Variants in DNER observed in about 807,000 individuals in gnomAD.
The protein encoded by DNER is delta and Notch-like epidermal growth factor-related receptor.
In DNER, 33 loss-of-function variants were observed where a neutral mutation model predicts 78.2. That is an observed-to-expected ratio of 0.42 (90% confidence interval 0.32 to 0.56). The LOEUF (loss-of-function observed/expected upper bound fraction) is 0.56, where lower values mean the gene tolerates loss of function less well. Ranked by LOEUF, DNER falls within the 20% of genes least tolerant of loss-of-function variation. The pLI, the probability that DNER is intolerant of heterozygous loss-of-function variation, is 0.11. For missense variants in DNER, 918 were observed against 975.3 expected (o/e 0.94, Z 0.78); for synonymous variants, 417 against 384.8 (o/e 1.08, Z -0.98).
At chr2:229,395,957 A>G (rs1693130268) in intron 10 of DNER, among the ~76,000 whole-genome samples, 1 of 152,180 alleles carries the variant, frequency 6.6e-6, no homozygotes, top group Admixed American at 6.6e-5. Context: ...TAAGTGAAAA[A>G]GAAGACACTT....
At chr2:229,569,568 A>G (rs1237687793) in intron 4 of DNER, among the ~76,000 whole-genome samples, 2 of 152,132 alleles carry the variant, frequency 1.3e-5, no homozygotes, top group African/African-American at 4.8e-5. Flanking sequence ...TATAAGATGG[A>G]GTAGTATTTG....
intron 12 of DNER, 59 bp downstream of exon 12, chr2:229,366,814 C>G: frequency 6.2e-7 from 1 of 1,604,456 alleles, no homozygotes; most frequent in Non-Finnish European, 8.5e-7. Flanking sequence ...ATAATATGAC[C>G]CTGTTCCCAA....
At chr2:229,650,539 T>C (rs1445784482) in intron 1 of DNER, among the ~76,000 whole-genome samples, 1 of 152,176 alleles carries the variant, frequency 6.6e-6, no homozygotes, top group South Asian at 2.1e-4. Context: ...GGACTTCCAA[T>C]ACCAAATTTT....
rs150463400 is a variant in DNER at position 229,622,079 on chromosome 2, C to T, written c.277-30191G>A. 4.9e-3 allele frequency among the ~76,000 whole-genome samples: 745 copies of T among 152,226 alleles called. 9 individuals carry two copies. The highest frequency in any genetic ancestry group is 0.014 in the African/African-American group (582 of 41,538). On this transcript the variant is annotated intron_variant, in intron 1 of 12. Coordinates refer to ENST00000341772, the MANE Select transcript of DNER (RefSeq NM_139072.4). Reference sequence around the variant, plus strand: ...CCAGCCTGGGCGACAGAGCGAGACTCCGTCTCAAAAAAACAAACAAACAAA... The same window carrying T: ...CCAGCCTGGGCGACAGAGCGAGACTTCGTCTCAAAAAAACAAACAAACAAA...
intron 1 of DNER, among the ~76,000 whole-genome samples, chr2:229,706,872 G>A (rs914096627): frequency 2.6e-5 from 4 of 152,060 alleles, no homozygotes; most frequent in South Asian, 2.1e-4. Context: ...CGCCACACCC[G>A]GCCCAGATAT....
chr2:229,479,712 CAAAAAAAAA>C (rs1023070502), intron 6 of DNER, among the ~76,000 whole-genome samples: 2 of 79,816 alleles, frequency 2.5e-5, no homozygotes, highest in Admixed American at 1.3e-4. Context: ...GACTTTGTCT[CAAAAAAAAA>C]AAAAAAAAAA....
chr2:229,636,550 T>A (rs188249206), intron 1 of DNER, among the ~76,000 whole-genome samples: 10 of 152,348 alleles, frequency 6.6e-5, no homozygotes, highest in Non-Finnish European at 1.3e-4. Flanking sequence ...AGGATGGGGC[T>A]TGTCCAAAAG....
At chr2:229,531,743 A>C (rs1462193727) in intron 5 of DNER, among the ~76,000 whole-genome samples, 2 of 152,262 alleles carry the variant, frequency 1.3e-5, no homozygotes, top group Non-Finnish European at 2.9e-5. Context: ...ACAATAGCCA[A>C]AGGTAGAAAC....
chr2:229,613,266 C>G (rs1206552035), intron 1 of DNER, among the ~76,000 whole-genome samples: 1 of 152,186 alleles, frequency 6.6e-6, no homozygotes, highest in Non-Finnish European at 1.5e-5. Context: ...ACTACAGCAG[C>G]ATTTTTAGTA....
chr2:229,410,449 C>T (rs1693486081), intron 9 of DNER, among the ~76,000 whole-genome samples: 1 of 152,160 alleles, frequency 6.6e-6, no homozygotes, highest in African/African-American at 2.4e-5. Context: ...GGTGAGGCTG[C>T]CAGAGGAGAG....
At chr2:229,386,484 A>C (rs1692868668) in intron 11 of DNER, among the ~76,000 whole-genome samples, 1 of 152,184 alleles carries the variant, frequency 6.6e-6, no homozygotes, top group Non-Finnish European at 1.5e-5. Flanking sequence ...ATCTAATTAA[A>C]CTAAGGAGCT....
rs62190331 is a variant in DNER at position 229,365,716 on chromosome 2, G to A, written c.2102+1157C>T. On this transcript the variant is annotated intron_variant, in intron 12 of 12. Coordinates refer to ENST00000341772, the MANE Select transcript of DNER (RefSeq NM_139072.4). Reference sequence around the variant, plus strand: ...CTCCCAATGTGCTGGGATTGCAGGCGTGAGGCAGCACACCCAGCCAGGTCT... The same window carrying A: ...CTCCCAATGTGCTGGGATTGCAGGCATGAGGCAGCACACCCAGCCAGGTCT... Among the ~76,000 whole-genome samples the A allele has an allele frequency of 2.5e-3, 374 of 152,284 alleles. 1 individual carries two copies. The highest frequency in any genetic ancestry group is 5.2e-3 in the Admixed American group (79 of 15,300).
At chr2:229,558,499 C>T (rs1281507976) in intron 4 of DNER, among the ~76,000 whole-genome samples, 1 of 152,232 alleles carries the variant, frequency 6.6e-6, no homozygotes, top group African/African-American at 2.4e-5. Context: ...ATATTCCTCA[C>T]TGCAACCCAC....
chr2:229,461,395 C>T (rs1694697711), intron 7 of DNER, among the ~76,000 whole-genome samples: 1 of 151,896 alleles, frequency 6.6e-6, no homozygotes, highest in Admixed American at 6.6e-5. Flanking sequence ...TAATAATGAT[C>T]TCTCAAGGTA....
rs201233811 is a variant in DNER at position 229,638,943 on chromosome 2, G to A, written c.277-47055C>T. Among the ~76,000 whole-genome samples, 3 of 152,160 alleles carry A rather than the reference G, an allele frequency of 2.0e-5. No individual in the cohort carries two copies. The East Asian group carries it at 5.8e-4, about 29-fold the overall frequency. On this transcript the variant is annotated intron_variant, in intron 1 of 12. Coordinates refer to ENST00000341772, the MANE Select transcript of DNER (RefSeq NM_139072.4). ...CAGGTCTCCAGGCTTCTGCTCTGCT[G>A]CTTGAATCCAATGGGTTTCTCAATG... is the stretch of plus-strand genomic sequence containing the variant.
At chr2:229,630,433 G>A (rs1021651069) in intron 1 of DNER, among the ~76,000 whole-genome samples, 1 of 151,194 alleles carries the variant, frequency 6.6e-6, no homozygotes, top group Non-Finnish European at 1.5e-5. Flanking sequence ...CCGAGATGGT[G>A]TCACTGCACC....
chr2:229,511,410 T>G (rs1167033129), intron 6 of DNER, among the ~76,000 whole-genome samples: 1 of 152,174 alleles, frequency 6.6e-6, no homozygotes, highest in African/African-American at 2.4e-5. Flanking sequence ...GGCTGAGCAG[T>G]AAGTCAATTA....
At chr2:229,470,538 A>G (rs4453679) in intron 7 of DNER, among the ~76,000 whole-genome samples, 54,932 of 152,044 alleles carry the variant, frequency 0.36, 11,718 homozygotes, top group African/African-American at 0.6. Context: ...AAATTAATGA[A>G]TTGTGTGCCA....
At chr2:229,564,156 A>G (rs1697045034) in intron 4 of DNER, among the ~76,000 whole-genome samples, 1 of 145,450 alleles carries the variant, frequency 6.9e-6, no homozygotes, top group African/African-American at 2.6e-5. Context: ...CATCATCATC[A>G]ACATCATCAC....
Sources: allele counts gnomAD v4.1 joint callset (sites outside exome capture counted in the v4.1 genomes callset), GRCh38; gene constraint gnomAD v4.1.1; transcripts MANE v1.5; gene names NCBI Gene and HGNC (gene_info 2026-07-23, HGNC 2026-07-21).